LMX1B: variants seen among roughly 807,000 people sequenced by gnomAD.
LMX1B encodes LIM homeobox transcription factor 1-beta.
Under a neutral mutation model 51.4 loss-of-function variants are expected in LMX1B, and 12 were observed. That is an observed-to-expected ratio of 0.23 (90% CI 0.15 to 0.38). The LOEUF is 0.38. LMX1B is among the 10% of genes least tolerant of loss of function. The pLI is 1.00. For missense variants in LMX1B, 445 were observed against 571.1 expected (o/e 0.78, Z 2.25); for synonymous variants, 237 against 235.4 (o/e 1.01, Z -0.06).
intron 6 of LMX1B, among the ~76,000 whole-genome samples, chr9:126,694,709 G>A (rs1259100829): frequency 6.6e-6 from 1 of 152,180 alleles, no homozygotes; most frequent in Non-Finnish European, 1.5e-5. Context: ...GTCCCAGGCT[G>A]GACTTGGCTT....
At chr9:126,661,294 G>A (rs1836240272) in intron 2 of LMX1B, among the ~76,000 whole-genome samples, 1 of 152,104 alleles carries the variant, frequency 6.6e-6, no homozygotes, top group Non-Finnish European at 1.5e-5. Context: ...CGACCTCTCA[G>A]GCCAGCGTGG....
intron 2 of LMX1B, among the ~76,000 whole-genome samples, chr9:126,687,884 A>C (rs763346885): frequency 1.3e-4 from 19 of 151,958 alleles, no homozygotes; most frequent in Non-Finnish European, 2.4e-4. Context: ...AGAGAGGGGG[A>C]ATGGGGGCTC....
chr9:126,621,638 TTCTC>T (rs1267312986), intron 2 of LMX1B, among the ~76,000 whole-genome samples: 1 of 126,110 alleles, frequency 7.9e-6, no homozygotes, highest in African/African-American at 2.6e-5. Context: ...TATAGGGTTT[TTCTC>T]TCTCTCTCTC....
chr9:126,647,355 G>C (rs1042126457), intron 2 of LMX1B, among the ~76,000 whole-genome samples: 6 of 152,156 alleles, frequency 3.9e-5, no homozygotes, highest in Admixed American at 3.9e-4. Context: ...GACATCGTTC[G>C]ACACATTTAC....
At position 126,641,610 on chromosome 9, in the gene LMX1B, C is replaced by T. The variant is rs1474737053; in HGVS notation, c.326+26041C>T. ...CTCCCTGTCTTGCCACCTCCCGCTTCTGTTCAGCAGCTCAAGTTTCTGTCC... is the reference window on the plus strand; with the variant it reads ...CTCCCTGTCTTGCCACCTCCCGCTTTTGTTCAGCAGCTCAAGTTTCTGTCC... On this transcript the variant is annotated intron_variant, in intron 2 of 7. Coordinates refer to ENST00000373474, the MANE Select transcript of LMX1B (RefSeq NM_001174147.2). This position sits in a 1 kb window ranked among gnomAD's most constrained non-coding sequence, Gnocchi z 4.1. 6.6e-6 allele frequency among the ~76,000 whole-genome samples: 1 copy of T among 152,190 alleles called. No homozygotes were observed. The highest frequency in any genetic ancestry group is 1.9e-4 in the East Asian group (1 of 5,188).
In LMX1B at chr9:126,693,485, C is replaced by T. The variant is rs751935512; in HGVS notation, c.742-39C>T. On this transcript the variant is annotated intron_variant, in intron 4 of 7. Transcript: ENST00000373474. The stretch of plus-strand genomic sequence containing the variant: ...AAACCCACCATCTCCCCGTTGCTGC[C>T]CCTGGAGGGCCTGACCTGTTCCCCT... 5 of 1,606,422 alleles carry T rather than the reference C, an allele frequency of 3.1e-6. No individual in the cohort carries two copies. The South Asian group carries it at 4.4e-5, about 14-fold the overall frequency.
chr9:126,617,093 C>G (rs558136684), intron 2 of LMX1B, among the ~76,000 whole-genome samples: 1 of 152,284 alleles, frequency 6.6e-6, no homozygotes, highest in Non-Finnish European at 1.5e-5. Flanking sequence ...GAGAGGGAGA[C>G]GCCAGTCCGT....
intron 2 of LMX1B, among the ~76,000 whole-genome samples, chr9:126,628,190 G>T (rs1455617102): frequency 6.6e-6 from 1 of 152,218 alleles, no homozygotes; most frequent in Non-Finnish European, 1.5e-5. Context: ...TCTATAGTGG[G>T]TCATGGGGAG....
chr9:126,625,854 G>A lies in LMX1B; in HGVS notation c.326+10285G>A, dbSNP rs1489590663. On this transcript the variant is annotated intron_variant, in intron 2 of 7. Coordinates refer to ENST00000373474, the MANE Select transcript of LMX1B (RefSeq NM_001174147.2). The surrounding 1 kb of genome is among the most constrained non-coding windows in gnomAD (Gnocchi z 5.3). ...TGCCTGCTCGGACAAGCAGAACTCCGGCAGGCGCAGCGGGCGCCGAGGCTT... is the reference window on the plus strand; with the variant it reads ...TGCCTGCTCGGACAAGCAGAACTCCAGCAGGCGCAGCGGGCGCCGAGGCTT... 6.6e-6 allele frequency among the ~76,000 whole-genome samples: 1 copy of A among 152,346 alleles called. No individual in the cohort carries two copies. Among genetic ancestry groups the A allele is most frequent in the Non-Finnish European group, 1.5e-5 (1 of 68,024 alleles).
In LMX1B at chr9:126,682,081, G is replaced by GCCTTTTTTTTTTT. The variant is rs755608375; in HGVS notation, c.327-8755_327-8754insCCTTTTTTTTTTT. On this transcript the variant is annotated intron_variant, in intron 2 of 7. Coordinates refer to ENST00000373474, the MANE Select transcript of LMX1B (RefSeq NM_001174147.2). ...TACTTGCAGATACTTGGTCCCCAGG[G>GCCTTTTTTTTTTT]TCTTTTTTTTTTTTTTTTTTTTTTT... Among the ~76,000 whole-genome samples the GCCTTTTTTTTTTT allele has an allele frequency of 3.2e-4, 26 of 81,270 alleles. 1 individual carries two copies. The highest frequency in any genetic ancestry group is 7.2e-4 in the African/African-American group (13 of 18,056). 53.3% of individuals were successfully genotyped at this position (81,270 alleles called of 152,430 possible).
intron 2 of LMX1B, among the ~76,000 whole-genome samples, chr9:126,670,478 A>G (rs986027110): frequency 1.3e-5 from 2 of 152,170 alleles, no homozygotes; most frequent in African/African-American, 4.8e-5. Context: ...TTGCCGGCAT[A>G]TTGTGCTGGC....
At chr9:126,681,413 C>T (rs1483740855) in intron 2 of LMX1B, among the ~76,000 whole-genome samples, 4 of 152,174 alleles carry the variant, frequency 2.6e-5, no homozygotes, top group Non-Finnish European at 5.9e-5. Flanking sequence ...GGATGCTCAG[C>T]CAGGAGATCT....
chr9:126,614,711 C>G, intron 1 of LMX1B, 123 bp downstream of exon 1: 1 of 1,124,782 alleles, frequency 8.9e-7, no homozygotes, highest in African/African-American at 1.6e-5. Context: ...GGGGAGGAGG[C>G]AGAGACAGGA....
chr9:126,652,698 C>T (rs552964846), intron 2 of LMX1B, among the ~76,000 whole-genome samples: 7 of 152,316 alleles, frequency 4.6e-5, no homozygotes, highest in African/African-American at 1.7e-4. Flanking sequence ...CTGGACTGGG[C>T]ACTGCTTGGC....
intron 3 of LMX1B, among the ~76,000 whole-genome samples, chr9:126,692,077 T>C (rs993624470): frequency 6.6e-6 from 1 of 152,200 alleles, no homozygotes; most frequent in African/African-American, 2.4e-5. Flanking sequence ...ATGGGTAACC[T>C]GGAGCCCTCC....
chr9:126,615,376 G>A lies in LMX1B; in HGVS notation c.140-7G>A. On this transcript the variant is annotated splice_region_variant and splice_polypyrimidine_tract_variant and intron_variant, in intron 1 of 7. Coordinates refer to ENST00000373474, the MANE Select transcript of LMX1B (RefSeq NM_001174147.2). The surrounding 1 kb of genome is among the most constrained non-coding windows in gnomAD (Gnocchi z 6.0). Reference sequence around the variant, plus strand: ...TGACGGCCGGGCTTTCGCCCTGTGCGCTACAGGCTCCGACTGCCCGCATCC... The same window carrying A: ...TGACGGCCGGGCTTTCGCCCTGTGCACTACAGGCTCCGACTGCCCGCATCC... 1 of 1,582,610 alleles carries A rather than the reference G, an allele frequency of 6.3e-7. No individual in the cohort carries two copies. Among genetic ancestry groups the A allele is most frequent in the Non-Finnish European group, 8.6e-7 (1 of 1,168,504 alleles).
At chr9:126,681,911 A>T (rs906382492) in intron 2 of LMX1B, among the ~76,000 whole-genome samples, 4 of 147,218 alleles carry the variant, frequency 2.7e-5, no homozygotes, top group Admixed American at 6.8e-5. Context: ...AAAAAAAAAA[A>T]ATAATAATAA....
At chr9:126,684,553 C>A (rs1836738892) in intron 2 of LMX1B, among the ~76,000 whole-genome samples, 1 of 152,126 alleles carries the variant, frequency 6.6e-6, no homozygotes, top group Non-Finnish European at 1.5e-5. Flanking sequence ...CTGTGCATCA[C>A]CCGAGGCTGT....
Position 126,697,877 on chromosome 9 carries a change from T to TTGTTG in LMX1B, c.*1430_*1431insGTGTT, listed in dbSNP as rs1159241894. The TTGTTG allele has an allele frequency of 6.3e-6, 1 of 157,940 alleles. No individual in the cohort carries two copies. Among genetic ancestry groups the TTGTTG allele is most frequent in the African/African-American group, 2.4e-5 (1 of 41,118 alleles). 9.8% of individuals were successfully genotyped at this position (157,940 alleles called of 1,614,324 possible). A position where few individuals can be genotyped will look rare whatever the true frequency, so the allele number is the denominator to read the frequency against. ...TTGTTTTGTTTTGTTTTGTTTTGTT[T>TTGTTG]TGTTTTGTTTTGTTTGAGACGGAGT... On this transcript the variant is annotated 3_prime_UTR_variant, in exon 8 of 8. Transcript: ENST00000373474.
Sources: gnomAD v4.1 joint callset for allele counts (sites outside exome capture counted in the v4.1 genomes callset) on GRCh38, gnomAD v4.1.1 for gene constraint, Gnocchi (gnomAD v3.1) non-coding constraint, MANE v1.5 for transcripts, NCBI Gene and HGNC (gene_info 2026-07-23, HGNC 2026-07-21) for gene names.